The following MEIS2 variants were observed in gnomAD, a reference collection of about 807,000 sequenced individuals.
The protein encoded by MEIS2 is Meis homeobox 2, also known as homeobox protein Meis2.
A neutral mutation model predicts 58.6 loss-of-function variants in MEIS2; 9 were observed. The ratio of observed to expected loss-of-function variants is 0.15; its 90% confidence interval spans 0.09 to 0.27. The LOEUF (loss-of-function observed/expected upper bound fraction) is 0.27. Ranked by LOEUF, MEIS2 falls within the 10% of genes least tolerant of loss-of-function variation. The pLI is 1.00. For synonymous variants in MEIS2, 221 were observed against 228.4 expected (o/e 0.97, Z 0.29); for missense variants, 427 against 635.0 (o/e 0.67, Z 3.52).
At position 37,045,657 on chromosome 15, in the gene MEIS2, G is replaced by A. The variant is rs375582124; in HGVS notation, c.755-8698C>T. On this transcript the variant is annotated intron_variant, in intron 7 of 11. Transcript: ENST00000561208. ...GCTGTAGACCCAGAAACACGGGGAG[G>A]ATGAGGGGCCAGCAGTGAGACCTGC... Among the ~76,000 whole-genome samples, 17 of 152,274 alleles carry A rather than the reference G, an allele frequency of 1.1e-4. 2 individuals are homozygous for A. Among genetic ancestry groups the A allele is most frequent in the African/African-American group, 3.9e-4 (16 of 41,558 alleles).
At position 37,098,143 on chromosome 15, in the gene MEIS2, C is replaced by G; in HGVS notation, c.69G>C (p.Met23Ile). 6.2e-7 allele frequency: 1 copy of G among 1,612,840 alleles called. No individual in the cohort carries two copies. Among genetic ancestry groups the G allele is most frequent in the Non-Finnish European group, 8.5e-7 (1 of 1,179,562 alleles). ...GMDGVGVPAS[M>I]YGDPHAPRPI... ...GCCGCGGCGCGTGAGGGTCTCCGTA[C>G]ATGGAAGCGGGAACCCCTACTCCGT... The change falls in exon 2 of 12, where the codon ATG becomes ATC. Residue 23 changes from methionine (M) to isoleucine (I), a missense_variant. Met to Ile is a conservative substitution (Grantham distance 10). Transcript: ENST00000561208.
At chr15:36,953,555 A>C (rs2058840244) in intron 8 of MEIS2, among the ~76,000 whole-genome samples, 1 of 152,098 alleles carries the variant, frequency 6.6e-6, no homozygotes, top group Non-Finnish European at 1.5e-5. Flanking sequence ...ACGTCATTGT[A>C]ACCTGATAGC....
At chr15:37,028,514 A>G (rs753615219) in intron 8 of MEIS2, among the ~76,000 whole-genome samples, 5 of 152,234 alleles carry the variant, frequency 3.3e-5, no homozygotes, top group Non-Finnish European at 7.3e-5. Flanking sequence ...AGGAGCTTCT[A>G]GGATCCAACA....
At chr15:37,100,727 G>A (rs1895013434), upstream of MEIS2, among the ~76,000 whole-genome samples, 1 of 151,410 alleles carries the variant, frequency 6.6e-6, no homozygotes, top group Non-Finnish European at 1.5e-5. Context: ...GTATGTGTGT[G>A]CGTGCGCGCG....
chr15:36,923,589 C>T (rs184386180), intron 9 of MEIS2, among the ~76,000 whole-genome samples: 1 of 152,314 alleles, frequency 6.6e-6, no homozygotes, highest in East Asian at 1.9e-4. Context: ...CTCACAGAAA[C>T]TGGTAGATCA....
chr15:37,098,380 GAGAGAGAGAGA>G (rs1894615055), intron 1 of MEIS2, 181 bp from the exon 2 acceptor site: 3 of 335,698 alleles, frequency 8.9e-6, no homozygotes, highest in African/African-American at 2.0e-4. Flanking sequence ...AGGAGAGGGG[GAGAGAGAGAGA>G]GAGAGAGAGA....
intron 9 of MEIS2, among the ~76,000 whole-genome samples, chr15:36,925,079 T>C (rs1279329513): frequency 2.0e-5 from 3 of 151,828 alleles, no homozygotes; most frequent in Admixed American, 6.6e-5. Context: ...GTTTCTTGTA[T>C]CCCTCAAGGC....
At chr15:36,973,546 G>T (rs7166550) in intron 8 of MEIS2, among the ~76,000 whole-genome samples, 12,377 of 151,898 alleles carry the variant, frequency 0.081, 1,169 homozygotes, top group African/African-American at 0.22. Flanking sequence ...ATAAAACATT[G>T]GTTTAAAAAA....
chr15:37,069,121 C>T (rs1392269747), intron 7 of MEIS2, among the ~76,000 whole-genome samples: 1 of 152,116 alleles, frequency 6.6e-6, no homozygotes, highest in Non-Finnish European at 1.5e-5. Flanking sequence ...AGAAAATGAG[C>T]ATCTAGAATT....
chr15:37,094,657 T>C (rs1893974349), intron 4 of MEIS2, 80 bp from the exon 5 acceptor site: 5 of 1,235,758 alleles, frequency 4.0e-6, no homozygotes, highest in Middle Eastern at 1.9e-4. Flanking sequence ...GGGGTGAGGA[T>C]GGTGGTGAGA....
intron 8 of MEIS2, among the ~76,000 whole-genome samples, chr15:36,951,985 G>T (rs837127): frequency 0.43 from 65,971 of 152,016 alleles, 15,287 homozygotes; most frequent in African/African-American, 0.57. Flanking sequence ...ATCCTATGAG[G>T]CTGCTTTGGT....
intron 7 of MEIS2, among the ~76,000 whole-genome samples, chr15:37,082,128 G>A (rs1892301759): frequency 6.6e-6 from 1 of 152,150 alleles, no homozygotes; most frequent in African/African-American, 2.4e-5. Flanking sequence ...TCTACAGAGA[G>A]GAGAAAAACT....
intron 9 of MEIS2, among the ~76,000 whole-genome samples, chr15:36,942,968 G>A (rs1017966958): frequency 1.3e-5 from 2 of 152,020 alleles, no homozygotes; most frequent in Non-Finnish European, 2.9e-5. Flanking sequence ...GCATTTACAA[G>A]CCCCCTTTCT....
At chr15:36,914,767 A>AT (rs954219695) in intron 9 of MEIS2, among the ~76,000 whole-genome samples, 76 of 149,730 alleles carry the variant, frequency 5.1e-4, no homozygotes, top group African/African-American at 3.9e-4. Context: ...CTTAACCTCT[A>AT]TTTTTTTTTT....
intron 8 of MEIS2, among the ~76,000 whole-genome samples, chr15:36,996,034 C>T (rs8034313): frequency 0.74 from 96,354 of 130,030 alleles, 37,099 homozygotes; most frequent in Middle Eastern, 0.87. Flanking sequence ...TATATATATA[C>T]ACACACACAC....
At chr15:37,025,484 A>G (rs1380675705) in intron 8 of MEIS2, among the ~76,000 whole-genome samples, 1 of 152,148 alleles carries the variant, frequency 6.6e-6, no homozygotes, top group African/African-American at 2.4e-5. Context: ...TGCTTTTATC[A>G]ACACAAAGAG....
At chr15:37,017,017 T>A (rs2061372676) in intron 8 of MEIS2, among the ~76,000 whole-genome samples, 1 of 152,250 alleles carries the variant, frequency 6.6e-6, no homozygotes. Flanking sequence ...TGTGAAGTAT[T>A]TCTAATTTGT....
intron 7 of MEIS2, among the ~76,000 whole-genome samples, chr15:37,066,855 C>A (rs1277911673): frequency 1.3e-5 from 2 of 151,986 alleles, no homozygotes; most frequent in Non-Finnish European, 2.9e-5. Flanking sequence ...TAGCTCATAG[C>A]AACCTCAAAC....
At chr15:37,015,279 G>A (rs1334740923) in intron 8 of MEIS2, among the ~76,000 whole-genome samples, 1 of 152,190 alleles carries the variant, frequency 6.6e-6, no homozygotes, top group East Asian at 1.9e-4. Context: ...CTCCTGTGAC[G>A]AATGAGTCCC....
Sources: allele counts gnomAD v4.1 joint callset (sites outside exome capture counted in the v4.1 genomes callset), GRCh38; gene constraint gnomAD v4.1.1; transcripts MANE v1.5; gene names NCBI Gene and HGNC (gene_info 2026-07-23, HGNC 2026-07-21).